NXPE4: variants seen among roughly 807,000 people sequenced by gnomAD.
NXPE4 encodes the protein neurexophilin and PC-esterase domain family member 4, also known as NXPE family member 4.
NXPE4 carries 42 observed loss-of-function variants against 33.3 expected under a neutral mutation model. That is an observed-to-expected ratio of 1.26 (90% confidence interval 0.98 to 1.63). The LOEUF is 1.63. NXPE4 is among the 40% of genes most tolerant of loss of function. The pLI is 0.00. For synonymous variants in NXPE4, 253 were observed against 234.9 expected, an observed-to-expected ratio of 1.08 and a Z score of -0.71; for missense variants, 709 against 647.6, an observed-to-expected ratio of 1.09 and a Z score of -1.03.
At chr11:114,578,367 G>A (rs1949062274) in intron 5 of NXPE4, among the ~76,000 whole-genome samples, 1 of 152,146 alleles carries the variant, frequency 6.6e-6, no homozygotes, top group South Asian at 2.1e-4. Flanking sequence ...AAGATGAGTC[G>A]AAGAGGGTAG....
chr11:114,605,533 A>G, the NXPE4 span, among the ~76,000 whole-genome samples: 23 of 151,878 alleles, frequency 1.5e-4, no homozygotes, highest in Admixed American at 4.6e-4. Context: ...TACCCGGTGG[A>G]TAATGTGTTG....
chr11:114,660,254 T>C, the NXPE4 span, among the ~76,000 whole-genome samples: 1 of 152,066 alleles, frequency 6.6e-6, no homozygotes, highest in Non-Finnish European at 1.5e-5. Context: ...ACAATTCTAC[T>C]GATTTTTTTC....
the NXPE4 span, among the ~76,000 whole-genome samples, chr11:114,631,582 G>T: frequency 6.6e-6 from 1 of 151,766 alleles, no homozygotes; most frequent in African/African-American, 2.4e-5. Context: ...TAGATGACGA[G>T]TTAGTGGGTG....
chr11:114,630,647 G>A, the NXPE4 span, among the ~76,000 whole-genome samples: 8 of 150,638 alleles, frequency 5.3e-5, no homozygotes, highest in South Asian at 4.2e-4. Flanking sequence ...CAAAAGCAAT[G>A]GCAACAAAAG....
the NXPE4 span, among the ~76,000 whole-genome samples, chr11:114,639,077 C>A: frequency 1.1e-4 from 16 of 152,098 alleles, no homozygotes; most frequent in African/African-American, 3.6e-4. Context: ...GAGGTGGAGC[C>A]TACAGAGGCA....
chr11:114,658,374 C>G, the NXPE4 span, among the ~76,000 whole-genome samples: 2 of 152,106 alleles, frequency 1.3e-5, no homozygotes, highest in African/African-American at 4.8e-5. Flanking sequence ...GGAGCACAGA[C>G]GTAAAGAGAC....
chr11:114,669,550 C>A, the NXPE4 span, among the ~76,000 whole-genome samples: 1 of 152,068 alleles, frequency 6.6e-6, no homozygotes, highest in Admixed American at 6.6e-5. Flanking sequence ...ACTTATAGAG[C>A]AGAAGCACTT....
chr11:114,654,982 A>G, the NXPE4 span, among the ~76,000 whole-genome samples: 2 of 152,018 alleles, frequency 1.3e-5, no homozygotes, highest in African/African-American at 2.4e-5. Flanking sequence ...GCCAGCACCT[A>G]TTGTTTCCTG....
chr11:114,647,986 CA>C, the NXPE4 span, among the ~76,000 whole-genome samples: 1 of 152,158 alleles, frequency 6.6e-6, no homozygotes, highest in South Asian at 2.1e-4. Flanking sequence ...AGGCATGAGC[CA>C]CTGTTGCCGG....
the NXPE4 span, among the ~76,000 whole-genome samples, chr11:114,662,070 C>T: frequency 6.6e-6 from 1 of 152,148 alleles, no homozygotes; most frequent in Non-Finnish European, 1.5e-5. Context: ...ACAAAAGAAG[C>T]ACTTTTATAA....
chr11:114,614,819 C>T, the NXPE4 span, among the ~76,000 whole-genome samples: 2 of 152,032 alleles, frequency 1.3e-5, no homozygotes, highest in African/African-American at 4.8e-5. Context: ...TCGTGGGTAA[C>T]CACTGTTATC....
the NXPE4 span, among the ~76,000 whole-genome samples, chr11:114,670,846 C>T: frequency 4.0e-5 from 6 of 151,432 alleles, no homozygotes; most frequent in African/African-American, 1.5e-4. Context: ...GAGAGAATGA[C>T]TCACGAACAG....
At chr11:114,604,895 G>A in the NXPE4 span, among the ~76,000 whole-genome samples, 1 of 151,984 alleles carries the variant, frequency 6.6e-6, no homozygotes, top group African/African-American at 2.4e-5. Flanking sequence ...GGTAACCACT[G>A]TTACCCGGTG....
chr11:114,571,536 T>C, intron 5 of NXPE4, 63 bp from the exon 6 acceptor site: 1 of 1,390,220 alleles, frequency 7.2e-7, no homozygotes, highest in Non-Finnish European at 9.8e-7. Context: ...TGAGTAGATA[T>C]AAAGATGGAA....
chr11:114,674,991 G>A, the NXPE4 span, among the ~76,000 whole-genome samples: 2 of 151,766 alleles, frequency 1.3e-5, no homozygotes, highest in African/African-American at 4.8e-5. Context: ...TGCAAGGATG[G>A]TTCAACATAC....
the NXPE4 span, among the ~76,000 whole-genome samples, chr11:114,663,625 CT>C: frequency 4.7e-3 from 261 of 55,754 alleles, 2 homozygotes; most frequent in Admixed American, 0.013. Context: ...ATCTATCTAT[CT>C]ATCTATCTAT....
At chr11:114,664,676 T>C in the NXPE4 span, among the ~76,000 whole-genome samples, 1 of 152,158 alleles carries the variant, frequency 6.6e-6, no homozygotes, top group Non-Finnish European at 1.5e-5. Flanking sequence ...GACTTATGAG[T>C]TGTTGACTCA....
the NXPE4 span, among the ~76,000 whole-genome samples, chr11:114,626,700 T>G: frequency 0.014 from 2,075 of 152,162 alleles, 35 homozygotes; most frequent in African/African-American, 0.047. Flanking sequence ...GAGAGAAGGC[T>G]TCAGACAATC....
chr11:114,610,022 C>T, the NXPE4 span, among the ~76,000 whole-genome samples: 3,758 of 151,658 alleles, frequency 0.025, 134 homozygotes, highest in African/African-American at 0.086. Flanking sequence ...ATACATGTTG[C>T]CTCGTGGGTA....
Sources: allele counts gnomAD v4.1 joint callset (sites outside exome capture counted in the v4.1 genomes callset), GRCh38; gene constraint gnomAD v4.1.1; transcripts MANE v1.5; gene names NCBI Gene and HGNC (gene_info 2026-07-23, HGNC 2026-07-21).